ALK: variants seen among roughly 807,000 people sequenced by gnomAD.
ALK encodes the protein ALK receptor tyrosine kinase.
In ALK, 74 loss-of-function variants were observed where a neutral mutation model predicts 163.1. The ratio of observed to expected loss-of-function variants is 0.45; its 90% CI spans 0.38 to 0.55. ALK has a LOEUF of 0.55. Ranked by LOEUF, ALK falls within the 20% of genes least tolerant of loss-of-function variation. ALK has a pLI of 0.00. For synonymous variants in ALK, 960 were observed against 843.2 expected, an observed-to-expected ratio of 1.14 and a Z score of -2.40; for missense variants, 2,063 against 2,105.3, an observed-to-expected ratio of 0.98 and a Z score of 0.39.
At chr2:29,870,634 A>G (rs895076779) in intron 1 of ALK, among the ~76,000 whole-genome samples, 1 of 152,216 alleles carries the variant, frequency 6.6e-6, no homozygotes, top group African/African-American at 2.4e-5. Flanking sequence ...CATGCTTACA[A>G]AGACTTTTTA....
In ALK at chr2:29,226,915, C is replaced by T; in HGVS notation, c.3067+7G>A. 2 of 1,614,074 alleles carry T rather than the reference C, an allele frequency of 1.2e-6. No homozygotes were observed. Among genetic ancestry groups the T allele is most frequent in the Non-Finnish European group, 1.7e-6 (2 of 1,180,026 alleles). On this transcript the variant is annotated splice_region_variant and intron_variant, in intron 18 of 28. Coordinates refer to ENST00000389048, the MANE Select transcript of ALK (RefSeq NM_004304.5). ...CCCCTCTGCCTCCCCTGGCCCTGCC[C>T]CCTTACCAATGCAGGAGACGCCATC...
intron 3 of ALK, among the ~76,000 whole-genome samples, chr2:29,691,844 G>C (rs929721859): frequency 6.6e-6 from 1 of 152,130 alleles, no homozygotes; most frequent in Non-Finnish European, 1.5e-5. Flanking sequence ...AACTTTCAAA[G>C]TTATCATGTG....
chr2:29,632,755 A>T lies in ALK; in HGVS notation c.952+62095T>A, dbSNP rs537685014. Among the ~76,000 whole-genome samples the T allele has an allele frequency of 4.6e-5, 7 of 152,340 alleles. No individual in the cohort carries two copies. In the South Asian group the frequency reaches 1.5e-3, roughly 32 times the overall value. ...AACTCACTGTTCCACATGGCTGGGG[A>T]CGCCTCAAAATCATGGTGGAAGGCA... On this transcript the variant is annotated intron_variant, in intron 3 of 28. Coordinates refer to ENST00000389048, the MANE Select transcript of ALK (RefSeq NM_004304.5).
intron 4 of ALK, among the ~76,000 whole-genome samples, chr2:29,497,528 T>A (rs1672061187): frequency 6.6e-6 from 1 of 152,192 alleles, no homozygotes; most frequent in African/African-American, 2.4e-5. Flanking sequence ...CAGCTCACTC[T>A]CTTTCCTCCT....
At chr2:29,588,125 C>G (rs563275881) in intron 3 of ALK, among the ~76,000 whole-genome samples, 15 of 152,250 alleles carry the variant, frequency 9.9e-5, no homozygotes, top group African/African-American at 3.6e-4. Context: ...GGGACTGTGT[C>G]CGTTTATGCA....
chr2:29,351,548 G>A lies in ALK; in HGVS notation c.1283-23067C>T, dbSNP rs144530685. Among the ~76,000 whole-genome samples, 106 of 152,248 alleles carry A rather than the reference G, an allele frequency of 7.0e-4. No individual in the cohort carries two copies. The Middle Eastern group carries it at 0.01, about 15-fold the overall frequency. On this transcript the variant is annotated intron_variant, in intron 5 of 28. Coordinates refer to ENST00000389048, the MANE Select transcript of ALK (RefSeq NM_004304.5). ...CTCCAGCCACCACAGATCGAGCCAC[G>A]GGCAACCAATTACTAGACTGGCCAC...
chr2:29,224,056 A>T (rs1227041471), intron 19 of ALK, among the ~76,000 whole-genome samples: 1 of 152,200 alleles, frequency 6.6e-6, no homozygotes, highest in Non-Finnish European at 1.5e-5. Context: ...GAGGAGTCCC[A>T]TGACTCCCAG....
chr2:29,463,523 A>C (rs1671135899), intron 4 of ALK, among the ~76,000 whole-genome samples: 1 of 152,214 alleles, frequency 6.6e-6, no homozygotes, highest in Non-Finnish European at 1.5e-5. Context: ...GGTGGGTTTC[A>C]GCCACTGAAC....
intron 1 of ALK, among the ~76,000 whole-genome samples, chr2:29,842,328 G>A (rs1421048703): frequency 6.6e-6 from 1 of 152,150 alleles, no homozygotes; most frequent in Admixed American, 6.5e-5. Context: ...GGATTTATTG[G>A]AAGGAATACA....
intron 4 of ALK, among the ~76,000 whole-genome samples, chr2:29,519,851 T>C (rs988412965): frequency 6.6e-6 from 1 of 152,178 alleles, no homozygotes; most frequent in Non-Finnish European, 1.5e-5. Flanking sequence ...ACAGAGAAAT[T>C]TTAGTCCTAA....
At chr2:29,651,513 T>G (rs1288431819) in intron 3 of ALK, among the ~76,000 whole-genome samples, 1 of 152,170 alleles carries the variant, frequency 6.6e-6, no homozygotes, top group African/African-American at 2.4e-5. Context: ...TGATGGGGAA[T>G]AAGAACCTAA....
At chr2:29,295,544 T>C (rs1666149902) in intron 9 of ALK, among the ~76,000 whole-genome samples, 3 of 152,190 alleles carry the variant, frequency 2.0e-5, no homozygotes, top group Non-Finnish European at 4.4e-5. Context: ...GTCCTTGGGC[T>C]TTGATCGTTA....
intron 1 of ALK, among the ~76,000 whole-genome samples, chr2:29,830,966 AGAAGAAG>A (rs1181615392): frequency 0.013 from 354 of 27,278 alleles, 6 homozygotes; most frequent in African/African-American, 0.048. Flanking sequence ...AAGAAGAAGA[AGAAGAAG>A]AAGAAGAAGA....
At chr2:29,829,945 T>C (rs1237402548) in intron 1 of ALK, among the ~76,000 whole-genome samples, 2 of 152,244 alleles carry the variant, frequency 1.3e-5, no homozygotes, top group Non-Finnish European at 1.5e-5. Context: ...CATTTGAGAT[T>C]TCCATTAAGT....
In ALK at chr2:29,586,216, C is replaced by T. The variant is rs1022198237; in HGVS notation, c.953-54100G>A. Among the ~76,000 whole-genome samples, 16 of 148,872 alleles carry T rather than the reference C, an allele frequency of 1.1e-4. No homozygotes were observed. In the Middle Eastern group the frequency reaches 0.01, roughly 98 times the overall value. ...TGAATTGTTGCTTCATATCAGTTGC[C>T]CATTTTTTTGGGGGGGATATTAACA... On this transcript the variant is annotated intron_variant, in intron 3 of 28. Transcript: ENST00000389048.
intron 1 of ALK, among the ~76,000 whole-genome samples, chr2:29,864,946 A>T (rs887604199): frequency 2.6e-5 from 4 of 152,186 alleles, no homozygotes; most frequent in Admixed American, 2.6e-4. Flanking sequence ...GGCACTGGAG[A>T]TCAAGCAGGG....
chr2:29,480,373 A>T (rs1434015890), intron 4 of ALK, among the ~76,000 whole-genome samples: 1 of 152,158 alleles, frequency 6.6e-6, no homozygotes, highest in Non-Finnish European at 1.5e-5. Context: ...AATATTTGTG[A>T]TATTATTTTC....
chr2:29,229,216 A>C (rs1664116616), intron 15 of ALK, 150 bp from the exon 16 acceptor site: 1 of 741,498 alleles, frequency 1.3e-6, no homozygotes, highest in African/African-American at 1.7e-5. Flanking sequence ...TGGGGGCTTC[A>C]GATCCACACT....
intron 5 of ALK, among the ~76,000 whole-genome samples, chr2:29,379,578 TG>T (rs1267791340): frequency 6.6e-6 from 1 of 152,190 alleles, no homozygotes; most frequent in Non-Finnish European, 1.5e-5. Flanking sequence ...AGAATTTCTG[TG>T]GCTGCAAATG....
Sources: gnomAD v4.1 joint callset for allele counts (sites outside exome capture counted in the v4.1 genomes callset) on GRCh38, gnomAD v4.1.1 for gene constraint, MANE v1.5 for transcripts, NCBI Gene and HGNC (gene_info 2026-07-23, HGNC 2026-07-21) for gene names.